The following ANO6 variants were observed in gnomAD, a reference collection of about 807,000 sequenced individuals.
ANO6 encodes the protein anoctamin-6.
Under a neutral mutation model 117.5 loss-of-function variants are expected in ANO6, and 106 were observed. The observed-to-expected ratio is 0.90, with a 90% CI of 0.77 to 1.06. ANO6 has a LOEUF of 1.06. Among genes scored for constraint, ANO6 ranks in the 50% least tolerant of loss-of-function variants. ANO6 has a pLI of 0.00. For synonymous variants in ANO6, 367 were observed against 385.1 expected, an observed-to-expected ratio of 0.95 and a Z score of 0.55; for missense variants, 955 against 1,121.1, an observed-to-expected ratio of 0.85 and a Z score of 2.12.
At chr12:45,355,622 T>C (rs537089395) in intron 7 of ANO6, among the ~76,000 whole-genome samples, 2 of 152,332 alleles carry the variant, frequency 1.3e-5, no homozygotes, top group South Asian at 4.1e-4. Flanking sequence ...GAACCTGCCG[T>C]TTGCCTGCCT....
intron 9 of ANO6, among the ~76,000 whole-genome samples, chr12:45,371,477 G>A (rs1189696741): frequency 6.6e-6 from 1 of 151,998 alleles, no homozygotes; most frequent in Non-Finnish European, 1.5e-5. Context: ...CAGCTTTGAA[G>A]AGAGCAGTGG....
At chr12:45,308,240 C>T (rs1241114687) in intron 2 of ANO6, among the ~76,000 whole-genome samples, 1 of 151,264 alleles carries the variant, frequency 6.6e-6, no homozygotes, top group African/African-American at 2.4e-5. Context: ...GAATAATGTC[C>T]CTGAGAGGGC....
chr12:45,382,269 G>A (rs947460361), intron 10 of ANO6, among the ~76,000 whole-genome samples: 3 of 152,180 alleles, frequency 2.0e-5, no homozygotes, highest in Admixed American at 6.5e-5. Context: ...TGACACAGGT[G>A]CAGACCCTTC....
chr12:45,421,940 G>A (rs781504950), intron 18 of ANO6, among the ~76,000 whole-genome samples: 41 of 152,092 alleles, frequency 2.7e-4, no homozygotes, highest in Non-Finnish European at 5.0e-4. Flanking sequence ...CCTAAAATAG[G>A]AGGCTTTAAA....
At chr12:45,385,362 T>G (rs960805696) in intron 10 of ANO6, among the ~76,000 whole-genome samples, 1 of 151,994 alleles carries the variant, frequency 6.6e-6, no homozygotes, top group Non-Finnish European at 1.5e-5. Context: ...CTGAGGGAGC[T>G]TCAGGGGTGG....
intron 1 of ANO6, among the ~76,000 whole-genome samples, chr12:45,286,858 G>A (rs1938932915): frequency 6.6e-6 from 1 of 152,218 alleles, no homozygotes; most frequent in Admixed American, 6.5e-5. Context: ...CAGACACTGA[G>A]GGGGATAGGA....
intron 9 of ANO6, among the ~76,000 whole-genome samples, chr12:45,373,471 C>T: frequency 6.6e-6 from 1 of 152,148 alleles, no homozygotes; most frequent in Non-Finnish European, 1.5e-5. Context: ...ATAAAGCTCT[C>T]CTCAGCGAAT....
chr12:45,269,907 C>T (rs1284228351), intron 1 of ANO6, among the ~76,000 whole-genome samples: 1 of 152,112 alleles, frequency 6.6e-6, no homozygotes. Flanking sequence ...TTAAGAGGGC[C>T]CAGAACAGTA....
intron 1 of ANO6, among the ~76,000 whole-genome samples, chr12:45,276,112 C>T (rs1938546742): frequency 6.6e-6 from 1 of 152,146 alleles, no homozygotes; most frequent in African/African-American, 2.4e-5. Flanking sequence ...ATGGTACCAC[C>T]ATCCTTCCAA....
chr12:45,318,130 A>G (rs1940118173), intron 2 of ANO6, among the ~76,000 whole-genome samples: 1 of 152,206 alleles, frequency 6.6e-6, no homozygotes, highest in Non-Finnish European at 1.5e-5. Flanking sequence ...TAGTTGAATT[A>G]GATCCCATTT....
chr12:45,283,527 A>G (rs570215656), intron 1 of ANO6, among the ~76,000 whole-genome samples: 1 of 152,366 alleles, frequency 6.6e-6, no homozygotes, highest in Admixed American at 6.5e-5. Flanking sequence ...TGCCACAAAC[A>G]TTTATTGGTT....
At chr12:45,421,843 T>G (rs2137704242) in intron 18 of ANO6, among the ~76,000 whole-genome samples, 1 of 152,278 alleles carries the variant, frequency 6.6e-6, no homozygotes, top group East Asian at 1.9e-4. Flanking sequence ...AGTTCAACAG[T>G]GGACAGTATG....
intron 12 of ANO6, among the ~76,000 whole-genome samples, chr12:45,392,876 C>A (rs1443150014): frequency 6.6e-6 from 1 of 152,140 alleles, no homozygotes; most frequent in Admixed American, 6.5e-5. Context: ...TAGATAAAAC[C>A]ACAAAGATGA....
At chr12:45,332,309 C>G (rs1347003798) in intron 3 of ANO6, among the ~76,000 whole-genome samples, 2 of 48,282 alleles carry the variant, frequency 4.1e-5, no homozygotes, top group Admixed American at 3.6e-4. Flanking sequence ...CTCTCTCTCT[C>G]TCACACACAC....
intron 1 of ANO6, among the ~76,000 whole-genome samples, chr12:45,261,305 A>G (rs1218091737): frequency 6.6e-6 from 1 of 152,230 alleles, no homozygotes; most frequent in Non-Finnish European, 1.5e-5. Context: ...CTATGATGTT[A>G]ACTGTATTAG....
chr12:45,316,078 G>T (rs931949486), intron 2 of ANO6, among the ~76,000 whole-genome samples: 1 of 151,984 alleles, frequency 6.6e-6, no homozygotes, highest in Non-Finnish European at 1.5e-5. Context: ...AGGTGTAATG[G>T]AATTTTCCCG....
chr12:45,421,319 G>T (rs774189308), intron 18 of ANO6, 46 bp downstream of exon 18: 8 of 1,573,748 alleles, frequency 5.1e-6, no homozygotes, highest in Non-Finnish European at 7.0e-6. Context: ...ATCTTTAAAA[G>T]GGTTTTTCTT....
intron 2 of ANO6, among the ~76,000 whole-genome samples, chr12:45,320,616 C>T (rs1940228600): frequency 2.0e-5 from 3 of 152,132 alleles, no homozygotes; most frequent in Admixed American, 6.5e-5. Context: ...GTGGAGAGTT[C>T]TGTAGCTATC....
chr12:45,372,238 G>T (rs1204389029), intron 9 of ANO6, among the ~76,000 whole-genome samples: 2 of 148,176 alleles, frequency 1.3e-5, no homozygotes, highest in Non-Finnish European at 3.0e-5. Flanking sequence ...CGTCTGATTG[G>T]TGTACCTGAA....
Sources: allele counts gnomAD v4.1 joint callset (sites outside exome capture counted in the v4.1 genomes callset), GRCh38; gene constraint gnomAD v4.1.1; transcripts MANE v1.5; gene names NCBI Gene and HGNC (gene_info 2026-07-23, HGNC 2026-07-21).